The following KCNT2 variants were observed in gnomAD, a reference collection of about 807,000 sequenced individuals.
KCNT2 encodes potassium channel subfamily T member 2.
A neutral mutation model predicts 153.8 loss-of-function variants in KCNT2; 67 were observed. The ratio of observed to expected loss-of-function variants is 0.44; its 90% CI spans 0.36 to 0.53. The LOEUF (loss-of-function observed/expected upper bound fraction) is 0.53. Among genes scored for constraint, KCNT2 ranks in the 20% least tolerant of loss-of-function variants. The pLI, the probability that KCNT2 is intolerant of heterozygous loss-of-function variation, is 0.00. For synonymous variants in KCNT2, 500 were observed against 458.8 expected, an observed-to-expected ratio of 1.09 and a Z score of -1.15; for missense variants, 975 against 1,354.8, an observed-to-expected ratio of 0.72 and a Z score of 4.40.
At chr1:196,290,531 CAT>C (rs974889010) in intron 22 of KCNT2, among the ~76,000 whole-genome samples, 2 of 151,170 alleles carry the variant, frequency 1.3e-5, no homozygotes, top group Non-Finnish European at 2.9e-5. Context: ...TATGCATATA[CAT>C]ATATATGTGT....
intron 25 of KCNT2, among the ~76,000 whole-genome samples, chr1:196,269,822 C>A (rs545496955): frequency 2.0e-5 from 3 of 152,008 alleles, no homozygotes; most frequent in Non-Finnish European, 4.4e-5. Flanking sequence ...CACAGGTTAC[C>A]AATGACCCTG....
intron 1 of KCNT2, among the ~76,000 whole-genome samples, chr1:196,513,267 T>C (rs1426525676): frequency 6.6e-6 from 1 of 152,196 alleles, no homozygotes; most frequent in Non-Finnish European, 1.5e-5. Flanking sequence ...TAATATATAC[T>C]GAATTAAAAG....
intron 12 of KCNT2, among the ~76,000 whole-genome samples, chr1:196,409,338 C>T (rs1672096135): frequency 6.6e-6 from 1 of 151,206 alleles, no homozygotes; most frequent in South Asian, 2.1e-4. Flanking sequence ...TATTAACGGC[C>T]ACCCTAAGGT....
intron 23 of KCNT2, among the ~76,000 whole-genome samples, chr1:196,283,950 G>T (rs1409622576): frequency 6.6e-6 from 1 of 151,532 alleles, no homozygotes; most frequent in Non-Finnish European, 1.5e-5. Flanking sequence ...AAGACTTTAG[G>T]CTGAGCACAG....
At position 196,438,450 on chromosome 1, in the gene KCNT2, A is replaced by G. The variant is rs79655324; in HGVS notation, c.639-8693T>C. The stretch of plus-strand genomic sequence containing the variant: ...CTCAATGCTGCAAGTCCCAAGGGTT[A>G]TGGAAGTGGAAATATGGGCGATCAT... On this transcript the variant is annotated intron_variant, in intron 8 of 27. Coordinates refer to ENST00000294725, the MANE Select transcript of KCNT2 (RefSeq NM_198503.5). Among the ~76,000 whole-genome samples the G allele has an allele frequency of 8.9e-4, 135 of 151,942 alleles. 1 individual carries two copies. The highest frequency in any genetic ancestry group is 3.1e-3 in the African/African-American group (130 of 41,516).
At chr1:196,424,383 A>G (rs1476525006) in intron 11 of KCNT2, among the ~76,000 whole-genome samples, 1 of 151,864 alleles carries the variant, frequency 6.6e-6, no homozygotes, top group Non-Finnish European at 1.5e-5. Flanking sequence ...ACAATAAATT[A>G]AGAATATTGA....
At chr1:196,599,652 A>C (rs954060325) in intron 1 of KCNT2, among the ~76,000 whole-genome samples, 1 of 152,218 alleles carries the variant, frequency 6.6e-6, no homozygotes, top group Admixed American at 6.5e-5. Context: ...AAGAGGTCAA[A>C]GAGTTGGAGA....
At chr1:196,446,248 G>A (rs1031161101) in intron 8 of KCNT2, among the ~76,000 whole-genome samples, 38 of 151,244 alleles carry the variant, frequency 2.5e-4, no homozygotes, top group African/African-American at 3.1e-4. Flanking sequence ...AATCCAACAT[G>A]TACAATAAAT....
intron 12 of KCNT2, among the ~76,000 whole-genome samples, chr1:196,415,993 A>G (rs932535511): frequency 6.6e-6 from 1 of 152,020 alleles, no homozygotes; most frequent in Non-Finnish European, 1.5e-5. Flanking sequence ...TAAAAGGAAA[A>G]TTCTAGAAAA....
At chr1:196,360,046 A>T (rs181167069) in intron 14 of KCNT2, among the ~76,000 whole-genome samples, 16 of 152,212 alleles carry the variant, frequency 1.1e-4, no homozygotes, top group African/African-American at 3.6e-4. Flanking sequence ...TATGTTTAAT[A>T]GAATACTTGT....
chr1:196,366,220 C>A (rs543243705), intron 14 of KCNT2, among the ~76,000 whole-genome samples: 2 of 151,288 alleles, frequency 1.3e-5, no homozygotes, highest in Admixed American at 1.3e-4. Context: ...AGTGCAATGG[C>A]GCGATCTCAG....
At chr1:196,382,974 T>C (rs916196760) in intron 13 of KCNT2, among the ~76,000 whole-genome samples, 8 of 152,016 alleles carry the variant, frequency 5.3e-5, no homozygotes, top group Non-Finnish European at 1.0e-4. Context: ...TTTGTTTGCA[T>C]GTGTATTTAC....
chr1:196,359,429 G>C (rs556888337), intron 14 of KCNT2, among the ~76,000 whole-genome samples: 1 of 151,958 alleles, frequency 6.6e-6, no homozygotes, highest in African/African-American at 2.4e-5. Flanking sequence ...TCATGAGAGA[G>C]AGCAGATAAA....
intron 1 of KCNT2, among the ~76,000 whole-genome samples, chr1:196,507,421 T>C (rs954087125): frequency 6.6e-6 from 1 of 152,188 alleles, no homozygotes; most frequent in Non-Finnish European, 1.5e-5. Context: ...TAGAGTTTTG[T>C]CTAATAGGCA....
At chr1:196,357,990 GTTC>G (rs1667308390) in intron 14 of KCNT2, among the ~76,000 whole-genome samples, 1 of 151,466 alleles carries the variant, frequency 6.6e-6, no homozygotes, top group Non-Finnish European at 1.5e-5. Context: ...TCTAAGAGTG[GTTC>G]TTTTTTATTT....
chr1:196,466,713 G>A (rs1677650436), intron 7 of KCNT2, among the ~76,000 whole-genome samples: 1 of 151,972 alleles, frequency 6.6e-6, no homozygotes, highest in Non-Finnish European at 1.5e-5. Context: ...CTTTGCAGAT[G>A]AAGATAATAG....
chr1:196,421,497 A>G (rs1405198210), intron 12 of KCNT2, among the ~76,000 whole-genome samples: 3 of 152,086 alleles, frequency 2.0e-5, no homozygotes, highest in East Asian at 3.9e-4. Context: ...CATTTCTTCA[A>G]TAAACATGTT....
chr1:196,599,864 T>C (rs1664515450), intron 1 of KCNT2, among the ~76,000 whole-genome samples: 1 of 152,184 alleles, frequency 6.6e-6, no homozygotes, highest in African/African-American at 2.4e-5. Flanking sequence ...AAGAGCATAT[T>C]TTTCTTTCTT....
chr1:196,387,151 A>C lies in KCNT2; in HGVS notation c.1294+11412T>G, dbSNP rs546973045. On this transcript the variant is annotated intron_variant, in intron 13 of 27. Transcript: ENST00000294725. Reference sequence around the variant, plus strand: ...TATAAGTAAATTAAAAATAATAATCATCCACAAACCCATCTTCTACCTACT... The same window carrying C: ...TATAAGTAAATTAAAAATAATAATCCTCCACAAACCCATCTTCTACCTACT... 9.9e-5 allele frequency among the ~76,000 whole-genome samples: 15 copies of C among 152,060 alleles called. 1 individual carries two copies. In the South Asian group the frequency reaches 3.1e-3, roughly 32 times the overall value.
Sources: allele counts gnomAD v4.1 joint callset (sites outside exome capture counted in the v4.1 genomes callset), GRCh38; gene constraint gnomAD v4.1.1; transcripts MANE v1.5; gene names NCBI Gene and HGNC (gene_info 2026-07-23, HGNC 2026-07-21).